Variants in TENM4 observed in about 807,000 individuals in gnomAD.
TENM4 encodes the protein teneurin-4.
TENM4 carries 82 observed loss-of-function variants against 243.3 expected under a neutral mutation model. The ratio of observed to expected loss-of-function variants is 0.34; its 90% CI spans 0.28 to 0.40. The LOEUF is 0.40. TENM4 is among the 10% of genes least tolerant of loss of function. The pLI is 1.00. For synonymous variants in TENM4, 1,412 were observed against 1,456.3 expected (o/e 0.97, Z 0.69); for missense variants, 3,138 against 3,673.3 (o/e 0.85, Z 3.77).
At chr11:78,937,204 A>T (rs917208842) in intron 6 of TENM4, among the ~76,000 whole-genome samples, 5 of 152,124 alleles carry the variant, frequency 3.3e-5, no homozygotes. Context: ...GGTCTGGTAG[A>T]TACCCACTCT....
intron 1 of TENM4, among the ~76,000 whole-genome samples, chr11:79,430,175 T>A (rs1200674375): frequency 7.1e-6 from 1 of 140,196 alleles, no homozygotes; most frequent in Non-Finnish European, 1.5e-5. Flanking sequence ...TTTGTTTCAA[T>A]CATTCAACCT....
At chr11:79,180,755 G>A (rs1348254546) in intron 3 of TENM4, among the ~76,000 whole-genome samples, 2 of 151,422 alleles carry the variant, frequency 1.3e-5, no homozygotes, top group African/African-American at 4.8e-5. Flanking sequence ...GAGGCAGGAG[G>A]ATCCCTTGAG....
chr11:79,413,050 A>G (rs1437092428), intron 1 of TENM4, among the ~76,000 whole-genome samples: 2 of 152,260 alleles, frequency 1.3e-5, no homozygotes, highest in Non-Finnish European at 1.5e-5. Flanking sequence ...ATGTGGTAAT[A>G]ACTAAAGGCC....
At chr11:78,911,252 CTG>C (rs1856178064) in intron 6 of TENM4, among the ~76,000 whole-genome samples, 1 of 152,200 alleles carries the variant, frequency 6.6e-6, no homozygotes, top group Admixed American at 6.5e-5. Flanking sequence ...CATGCAATGA[CTG>C]GGACCAGTGA....
intron 4 of TENM4, among the ~76,000 whole-genome samples, chr11:79,127,308 G>A: frequency 6.6e-6 from 1 of 152,234 alleles, no homozygotes; most frequent in Non-Finnish European, 1.5e-5. Context: ...TGCAGGGGTG[G>A]TGATTCCCAC....
intron 3 of TENM4, among the ~76,000 whole-genome samples, chr11:79,207,860 T>G (rs1863879815): frequency 9.3e-6 from 1 of 107,022 alleles, no homozygotes; most frequent in African/African-American, 4.4e-5. Context: ...AGCCAGACTC[T>G]GTCTCAAAAA....
At position 78,842,982 on chromosome 11, in the gene TENM4, G is replaced by A. The variant is rs75571314; in HGVS notation, c.1681+11122C>T. On this transcript the variant is annotated intron_variant, in intron 12 of 33. Transcript: ENST00000278550. ...TGAGGCCAGGAGTTCAAAACCAGTCGGGGTAACATAGAGAGGCCAGGCATA... is the reference window on the plus strand; with the variant it reads ...TGAGGCCAGGAGTTCAAAACCAGTCAGGGTAACATAGAGAGGCCAGGCATA... Among the ~76,000 whole-genome samples the A allele has an allele frequency of 6.1e-3, 929 of 151,870 alleles. 6 individuals carry two copies. Among genetic ancestry groups the A allele is most frequent in the African/African-American group, 0.021 (854 of 41,438 alleles).
At position 79,064,827 on chromosome 11, in the gene TENM4, C is replaced by T. The variant is rs764554334; in HGVS notation, c.404G>A (p.Ser135Asn). 6.4e-7 allele frequency: 1 copy of T among 1,551,370 alleles called. No homozygotes were observed. The highest frequency in any genetic ancestry group is 8.7e-7 in the Non-Finnish European group (1 of 1,146,988). The change falls in exon 6 of 34, where the codon AGC (serine) becomes AAC (asparagine). Residue 135 changes from serine (S) to asparagine (N), a missense_variant. Transcript: ENST00000278550. ...GCAGGAGCTGCGCCCTGACCGTGTG[C>T]TCCGGCCCCACAGACGCACGGGGTG... ...PEHPVRLWGR[S>N]TRSGRSSCLS... is the part of the protein sequence containing the mutation.
chr11:79,411,105 T>C (rs1858691259), intron 1 of TENM4, among the ~76,000 whole-genome samples: 1 of 152,138 alleles, frequency 6.6e-6, no homozygotes. Context: ...ATTTCACAGA[T>C]AGGAAAAGTG....
chr11:79,148,994 A>G (rs1862445164), intron 3 of TENM4, among the ~76,000 whole-genome samples, 188 bp from the exon 4 acceptor site: 2 of 152,164 alleles, frequency 1.3e-5, no homozygotes, highest in South Asian at 2.1e-4. Flanking sequence ...AGATGCAACT[A>G]AAGTAGCTAC....
chr11:79,376,389 A>C (rs1857891530), intron 1 of TENM4, among the ~76,000 whole-genome samples: 1 of 152,234 alleles, frequency 6.6e-6, no homozygotes, highest in East Asian at 1.9e-4. Flanking sequence ...AGTCTTGATC[A>C]CATAGCTTTG....
Position 78,942,259 on chromosome 11 carries a change from C to CAAAAAAA in TENM4, c.494-38743_494-38737dup, listed in dbSNP as rs56973257. 1.1e-3 allele frequency among the ~76,000 whole-genome samples: 12 copies of CAAAAAAA among 11,220 alleles called. 4 individuals carry two copies. Among genetic ancestry groups the CAAAAAAA allele is most frequent in the Non-Finnish European group, 1.8e-3 (11 of 5,976 alleles). 7.4% of individuals were successfully genotyped at this position (11,220 alleles called of 152,430 possible). On this transcript the variant is annotated intron_variant, in intron 6 of 33. Coordinates refer to ENST00000278550, the MANE Select transcript of TENM4 (RefSeq NM_001098816.3). ...TGAAACCCATCTCTACAAAATACAC[C>CAAAAAAA]AAAAAAAAAAAAAAAAAAAAAAAAA...
At chr11:79,437,806 A>G (rs1859308910) in intron 1 of TENM4, among the ~76,000 whole-genome samples, 1 of 152,108 alleles carries the variant, frequency 6.6e-6, no homozygotes, top group Admixed American at 6.5e-5. Flanking sequence ...GAGCTAACCC[A>G]GCCGCCTCCG....
intron 12 of TENM4, among the ~76,000 whole-genome samples, chr11:78,831,734 A>T (rs1857987500): frequency 6.6e-6 from 1 of 152,230 alleles, no homozygotes; most frequent in Non-Finnish European, 1.5e-5. Flanking sequence ...GAGACTTCCC[A>T]TAGTTTGAGC....
intron 19 of TENM4, among the ~76,000 whole-genome samples, chr11:78,751,498 A>T (rs944612386): frequency 6.6e-6 from 1 of 152,110 alleles, no homozygotes; most frequent in African/African-American, 2.4e-5. Flanking sequence ...TCCTCAAATA[A>T]TGATTCAACA....
rs75133808 is a variant in TENM4, at chr11:79,119,775, A to C, written c.-66+28935T>G. Among the ~76,000 whole-genome samples, 78 of 151,756 alleles carry C rather than the reference A, an allele frequency of 5.1e-4. No homozygotes were observed. The East Asian group carries it at 9.3e-3, about 18-fold the overall frequency. On this transcript the variant is annotated intron_variant, in intron 4 of 33. Coordinates refer to ENST00000278550, the MANE Select transcript of TENM4 (RefSeq NM_001098816.3). ...CCTGAGACTGGCAGCCCGCCCCTCT[A>C]CTCTCTCCCATCTGTCCTCTCCAGA... is the stretch of plus-strand genomic sequence containing the variant.
In TENM4 at chr11:78,868,076, T is replaced by TA. The variant is rs10699998; in HGVS notation, c.1085-4945dup. Among the ~76,000 whole-genome samples, 723 of 134,838 alleles carry TA rather than the reference T, an allele frequency of 5.4e-3. 25 individuals are homozygous for TA. Among genetic ancestry groups the TA allele is most frequent in the East Asian group, 9.7e-3 (46 of 4,748 alleles). The allele number at this position is 134,838 out of a possible 152,430, so 88.5% of individuals were successfully genotyped here. A position where few individuals can be genotyped will look rare whatever the true frequency, so the allele number is the denominator to read the frequency against. ...TGATTTGGAAGACAGAGCCACAGAT[T>TA]AAAAAAAAAAAAAAAAGCTAACAAA... On this transcript the variant is annotated intron_variant, in intron 9 of 33. Transcript: ENST00000278550.
intron 12 of TENM4, among the ~76,000 whole-genome samples, chr11:78,844,246 C>A (rs1858331383): frequency 6.6e-6 from 1 of 152,298 alleles, no homozygotes; most frequent in Admixed American, 6.5e-5. Flanking sequence ...AAGCCTAACC[C>A]CCAATGTGAC....
intron 6 of TENM4, among the ~76,000 whole-genome samples, chr11:78,997,375 G>A (rs564193533): frequency 6.6e-6 from 1 of 152,154 alleles, no homozygotes; most frequent in East Asian, 1.9e-4. Flanking sequence ...TGATTTGAGG[G>A]TTTATGACTC....
Sources: gnomAD v4.1 joint callset for allele counts (sites outside exome capture counted in the v4.1 genomes callset) on GRCh38, gnomAD v4.1.1 for gene constraint, MANE v1.5 for transcripts, NCBI Gene and HGNC (gene_info 2026-07-23, HGNC 2026-07-21) for gene names.